PPARGC1B: variants seen among roughly 807,000 people sequenced by gnomAD.
The protein encoded by PPARGC1B is peroxisome proliferator-activated receptor gamma coactivator 1-beta.
Under a neutral mutation model 101.6 loss-of-function variants are expected in PPARGC1B, and 34 were observed. The ratio of observed to expected loss-of-function variants is 0.33; its 90% confidence interval spans 0.25 to 0.45. The LOEUF is 0.45. Among genes scored for constraint, PPARGC1B ranks in the 20% least tolerant of loss-of-function variants. The pLI is 1.00. For missense variants in PPARGC1B, 1,234 were observed against 1,317.6 expected, an observed-to-expected ratio of 0.94 and a Z score of 0.98; for synonymous variants, 548 against 539.3, an observed-to-expected ratio of 1.02 and a Z score of -0.22.
intron 9 of PPARGC1B, among the ~76,000 whole-genome samples, chr5:149,840,595 C>T (rs988863168): frequency 3.9e-5 from 6 of 152,148 alleles, no homozygotes; most frequent in African/African-American, 9.7e-5. Flanking sequence ...TGATCAGTGC[C>T]GAGAGACCAA....
At chr5:149,801,577 C>T (rs1439592337) in intron 1 of PPARGC1B, among the ~76,000 whole-genome samples, 2 of 152,096 alleles carry the variant, frequency 1.3e-5, no homozygotes, top group South Asian at 2.1e-4. Context: ...GGAGACACAC[C>T]GTGCAGGACC....
At chr5:149,826,473 A>G (rs1020480967) in intron 2 of PPARGC1B, among the ~76,000 whole-genome samples, 200 bp from the exon 3 acceptor site, 6 of 152,206 alleles carry the variant, frequency 3.9e-5, no homozygotes, top group African/African-American at 9.7e-5. Context: ...CTTGGAGTCA[A>G]TAACACATTT....
At chr5:149,798,578 C>T (rs1039803850) in intron 1 of PPARGC1B, among the ~76,000 whole-genome samples, 16 of 152,172 alleles carry the variant, frequency 1.1e-4, no homozygotes, top group Non-Finnish European at 1.9e-4. Flanking sequence ...ACTGAGCAAA[C>T]GAGAAGGCTG....
At position 149,818,807 on chromosome 5, in the gene PPARGC1B, A is replaced by C. The variant is rs1174357817; in HGVS notation, c.79-1626A>C. On this transcript the variant is annotated intron_variant, in intron 1 of 11. Coordinates refer to ENST00000309241, the MANE Select transcript of PPARGC1B (RefSeq NM_133263.4). ...AGCTGACATTTATTGAGCAGTTACT[A>C]GGCCGGGCTATAATGACATTGCCTC... The C allele has an allele frequency of 4.4e-6, 2 of 456,560 alleles. 1 individual carries two copies. Among genetic ancestry groups the C allele is most frequent in the South Asian group, 3.1e-5 (2 of 64,508 alleles). The allele number at this position is 456,560 out of a possible 1,614,324, so 28.3% of individuals were successfully genotyped here.
intron 11 of PPARGC1B, chr5:149,846,577 T>A (rs1042693266): frequency 1.3e-5 from 2 of 152,112 alleles, no homozygotes; most frequent in African/African-American, 4.9e-5. Context: ...GGAGCTGCAG[T>A]GAGCCATGAT....
At chr5:149,763,027 A>G (rs527424821) in intron 1 of PPARGC1B, among the ~76,000 whole-genome samples, 6 of 152,204 alleles carry the variant, frequency 3.9e-5, no homozygotes, top group East Asian at 1.9e-4. Flanking sequence ...GGCTCCAGCA[A>G]TCCTGCCTCA....
At chr5:149,803,337 T>C (rs1231949164) in intron 1 of PPARGC1B, among the ~76,000 whole-genome samples, 1 of 152,160 alleles carries the variant, frequency 6.6e-6, no homozygotes, top group Non-Finnish European at 1.5e-5. Flanking sequence ...ACTTTCCCTC[T>C]CTGAACCTCA....
chr5:149,824,137 G>A (rs1436066167), intron 2 of PPARGC1B, among the ~76,000 whole-genome samples: 3 of 152,344 alleles, frequency 2.0e-5, no homozygotes, highest in South Asian at 2.1e-4. Flanking sequence ...GAGCAGTAGC[G>A]TGTGCGCCAC....
At chr5:149,788,967 C>T (rs1756908722) in intron 1 of PPARGC1B, among the ~76,000 whole-genome samples, 1 of 152,076 alleles carries the variant, frequency 6.6e-6, no homozygotes, top group Non-Finnish European at 1.5e-5. Context: ...AGGAGATACA[C>T]CTAATGTAGA....
At chr5:149,749,276 A>G (rs1017253493) in intron 1 of PPARGC1B, among the ~76,000 whole-genome samples, 1 of 152,218 alleles carries the variant, frequency 6.6e-6, no homozygotes, top group African/African-American at 2.4e-5. Flanking sequence ...GCATTTTCAC[A>G]TCCACAGTTC....
intron 1 of PPARGC1B, among the ~76,000 whole-genome samples, chr5:149,804,232 T>A (rs1353637249): frequency 2.0e-5 from 3 of 152,128 alleles, no homozygotes; most frequent in Non-Finnish European, 4.4e-5. Context: ...CCCCACACCC[T>A]CCCGTCCTGC....
At position 149,730,642 on chromosome 5, in the gene PPARGC1B, G is replaced by A. The variant is rs1043774423; in HGVS notation, c.78+222G>A. On this transcript the variant is annotated intron_variant, in intron 1 of 11. Transcript: ENST00000309241. The surrounding 1 kb of genome is among the most constrained non-coding windows in gnomAD (Gnocchi z 4.0). ...CCGGAGCGCTGGGGGCGCTACGGCC[G>A]CTGGGGAGGGTCTAGCCTTGGCCGC... 1.3e-5 allele frequency among the ~76,000 whole-genome samples: 2 copies of A among 152,118 alleles called. No individual in the cohort carries two copies. The highest frequency in any genetic ancestry group is 3.9e-4 in the East Asian group (2 of 5,150).
At chr5:149,732,695 G>C (rs77374002) in intron 1 of PPARGC1B, 2 of 425,330 alleles carry the variant, frequency 4.7e-6, no homozygotes, top group Non-Finnish European at 9.6e-6. Context: ...TAGAAGGCTC[G>C]GAGAGCCCAG....
intron 1 of PPARGC1B, among the ~76,000 whole-genome samples, chr5:149,799,702 T>TTTTG (rs1561553998): frequency 7.7e-6 from 1 of 130,442 alleles, no homozygotes; most frequent in Admixed American, 7.8e-5. Flanking sequence ...TGTTTTTTTT[T>TTTTG]TTTTTTTTTT....
intron 1 of PPARGC1B, among the ~76,000 whole-genome samples, chr5:149,804,325 C>T (rs1420787071): frequency 1.3e-5 from 2 of 152,238 alleles, no homozygotes; most frequent in African/African-American, 4.8e-5. Context: ...GGTGCTTGGA[C>T]AGTTTATATT....
In PPARGC1B at chr5:149,848,481, G is replaced by C. The variant is rs919490735; in HGVS notation, c.*923G>C. The C allele has an allele frequency of 3.3e-5, 5 of 152,234 alleles. No homozygotes were observed. Among genetic ancestry groups the C allele is most frequent in the Non-Finnish European group, 5.9e-5 (4 of 68,066 alleles). The allele number at this position is 152,234 out of a possible 1,614,324, so 9.4% of individuals were successfully genotyped here. The stretch of plus-strand genomic sequence containing the variant: ...TGGTTCTTGGTCCCGTGCTTCCGTA[G>C]TAGCTGGGGTAAAGACACCGTTTCA... On this transcript the variant is annotated 3_prime_UTR_variant, in exon 12 of 12. Coordinates refer to ENST00000309241, the MANE Select transcript of PPARGC1B (RefSeq NM_133263.4).
rs773040670 is a variant in PPARGC1B, at chr5:149,730,783, G to A, written c.78+363G>A. ...TGGCGCTGGGTGCTGGAGGCGCGCC[G>A]TCAGCGCCCGGCACTTGCTGCCGTA... On this transcript the variant is annotated intron_variant, in intron 1 of 11. Transcript: ENST00000309241. This position sits in a 1 kb window ranked among gnomAD's most constrained non-coding sequence, Gnocchi z 4.0. Among the ~76,000 whole-genome samples, 1 of 152,322 alleles carries A rather than the reference G, an allele frequency of 6.6e-6. No individual in the cohort carries two copies. Among genetic ancestry groups the A allele is most frequent in the Non-Finnish European group, 1.5e-5 (1 of 68,010 alleles).
chr5:149,786,134 C>T (rs1241182083), intron 1 of PPARGC1B, among the ~76,000 whole-genome samples: 1 of 151,882 alleles, frequency 6.6e-6, no homozygotes, highest in Non-Finnish European at 1.5e-5. Flanking sequence ...GCTCTGTTGC[C>T]CAGGCTGGAG....
intron 1 of PPARGC1B, among the ~76,000 whole-genome samples, chr5:149,754,317 C>A (rs921783987): frequency 9.9e-5 from 15 of 152,122 alleles, no homozygotes; most frequent in African/African-American, 3.4e-4. Context: ...TTGCGTGCCC[C>A]CCTCCCCTGG....
Sources: gnomAD v4.1 joint callset for allele counts (sites outside exome capture counted in the v4.1 genomes callset) on GRCh38, gnomAD v4.1.1 for gene constraint, Gnocchi (gnomAD v3.1) non-coding constraint, MANE v1.5 for transcripts, NCBI Gene and HGNC (gene_info 2026-07-23, HGNC 2026-07-21) for gene names.